The following SUPT16H variants were observed in gnomAD, a reference collection of about 807,000 sequenced individuals.
The protein encoded by SUPT16H is SPT16 homolog, facilitates chromatin remodeling subunit, also known as FACT complex subunit SPT16.
Under a neutral mutation model 136.2 loss-of-function variants are expected in SUPT16H, and 24 were observed. The ratio of observed to expected loss-of-function variants is 0.18; its 90% CI spans 0.13 to 0.25. The LOEUF is 0.25. SUPT16H is among the 10% of genes least tolerant of loss of function. SUPT16H has a pLI of 1.00. For synonymous variants in SUPT16H, 415 were observed against 428.2 expected (o/e 0.97, Z 0.38); for missense variants, 623 against 1,270.2 (o/e 0.49, Z 7.74).
intron 19 of SUPT16H, among the ~76,000 whole-genome samples, 160 bp downstream of exon 19, chr14:21,359,324 A>G (rs1289845062): frequency 6.8e-6 from 1 of 147,824 alleles, no homozygotes; most frequent in Admixed American, 6.8e-5. Context: ...CGAACTCCTG[A>G]CCCTCAGGTG....
intron 10 of SUPT16H, 50 bp from the exon 11 acceptor site, chr14:21,363,553 A>C: frequency 1.2e-5 from 19 of 1,539,250 alleles, no homozygotes; most frequent in Non-Finnish European, 1.7e-5. Flanking sequence ...AGGCAATTTC[A>C]TTTTCTAACC....
At position 21,369,860 on chromosome 14, in the gene SUPT16H, C is replaced by T; in HGVS notation, c.520G>A (p.Val174Ile). 6.2e-7 allele frequency: 1 copy of T among 1,614,180 alleles called. No individual in the cohort carries two copies. The highest frequency in any genetic ancestry group is 8.5e-7 in the Non-Finnish European group (1 of 1,180,018). The change falls in exon 5 of 26, where the codon GTA becomes ATA. Residue 174 changes from valine (V) to isoleucine (I), a missense_variant. Transcript: ENST00000216297. ...AGGTTGAGCTCCCCATCCTCCTTTA[C>T]AGCGATGGTATATGCCACAACTGCA... ...ISAVVAYTIA[V>I]KEDGELNLMK...
intron 3 of SUPT16H, among the ~76,000 whole-genome samples, chr14:21,371,226 G>A (rs1886778568): frequency 6.6e-6 from 1 of 152,068 alleles, no homozygotes; most frequent in Non-Finnish European, 1.5e-5. Context: ...TCAAAAGTGA[G>A]CAAAACATTT....
chr14:21,374,144 T>C (rs890240194), intron 1 of SUPT16H, among the ~76,000 whole-genome samples: 1 of 152,238 alleles, frequency 6.6e-6, no homozygotes, highest in Non-Finnish European at 1.5e-5. Flanking sequence ...CCTTCTTTTT[T>C]GGTTCAGCCA....
At chr14:21,363,536 T>G in intron 10 of SUPT16H, 33 bp from the exon 11 acceptor site, 1 of 1,587,474 alleles carries the variant, frequency 6.3e-7, no homozygotes, top group Non-Finnish European at 8.6e-7. Context: ...GACACATTAT[T>G]TAAAAGAGGC....
chr14:21,362,149 C>A, intron 15 of SUPT16H, 48 bp downstream of exon 15: 52 of 1,572,054 alleles, frequency 3.3e-5, no homozygotes, highest in Non-Finnish European at 4.4e-5. Context: ...TCTGAGAGTA[C>A]CACTCCAGAC....
intron 5 of SUPT16H, 155 bp downstream of exon 5, chr14:21,369,595 T>A: frequency 9.3e-7 from 1 of 1,079,384 alleles, no homozygotes; most frequent in South Asian, 1.6e-5. Context: ...TAACGCAGGC[T>A]TACCATTATT....
At chr14:21,354,350 A>G in intron 23 of SUPT16H, 61 bp downstream of exon 23, 14 of 1,595,214 alleles carry the variant, frequency 8.8e-6, no homozygotes, top group Non-Finnish European at 1.2e-5. Flanking sequence ...ATTCCATTCT[A>G]ACTGACCAAA....
At chr14:21,362,062 G>C in intron 15 of SUPT16H, 135 bp downstream of exon 15, 1 of 1,047,056 alleles carries the variant, frequency 9.6e-7, no homozygotes, top group South Asian at 1.9e-5. Flanking sequence ...TCAAGAAGGC[G>C]ATCCGAAACA....
At chr14:21,371,134 A>C (rs896958344) in intron 3 of SUPT16H, among the ~76,000 whole-genome samples, 3 of 151,672 alleles carry the variant, frequency 2.0e-5, no homozygotes, top group African/African-American at 2.4e-5. Context: ...GGCCTCTCAA[A>C]GTATTGGGAT....
rs772231688 is a variant in SUPT16H, at chr14:21,363,425, A to T, written c.1299+13T>A. 1.4e-5 allele frequency: 22 copies of T among 1,613,280 alleles called. No homozygotes were observed. In the East Asian group the frequency reaches 4.9e-4, roughly 36 times the overall value. ...CCTAAACTTCCTATACTACTTATCT[A>T]TCTTCTTCCTACCTTTAGGAAAATC... On this transcript the variant is annotated intron_variant, in intron 11 of 25. Coordinates refer to ENST00000216297, the MANE Select transcript of SUPT16H (RefSeq NM_007192.4).
intron 1 of SUPT16H, among the ~76,000 whole-genome samples, chr14:21,378,760 AC>A (rs1886958101): frequency 6.6e-6 from 1 of 152,218 alleles, no homozygotes; most frequent in African/African-American, 2.4e-5. Flanking sequence ...TATGAAAGAA[AC>A]AAAAAACTCA....
intron 7 of SUPT16H, among the ~76,000 whole-genome samples, 164 bp from the exon 8 acceptor site, chr14:21,366,693 A>G (rs1295779505): frequency 6.6e-6 from 1 of 151,124 alleles, no homozygotes; most frequent in African/African-American, 2.4e-5. Context: ...TCTGTCACTC[A>G]GGCTGGAGTG....
At chr14:21,366,656 C>CTTTT (rs66530934) in intron 7 of SUPT16H, 127 bp from the exon 8 acceptor site, 346,673 of 602,890 alleles carry the variant, frequency 0.58, 63,524 homozygotes, top group African/African-American at 0.63. Context: ...AGTCCACTCA[C>CTTTT]TTTTTTTTTT....
At chr14:21,358,120 C>G in intron 20 of SUPT16H, 118 bp from the exon 21 acceptor site, 1 of 951,074 alleles carries the variant, frequency 1.1e-6, no homozygotes, top group Middle Eastern at 3.2e-4. Flanking sequence ...ACTGGAGACT[C>G]ATCCAGAGGA....
At chr14:21,381,744 G>A (rs1887029823) in intron 1 of SUPT16H, among the ~76,000 whole-genome samples, 1 of 151,306 alleles carries the variant, frequency 6.6e-6, no homozygotes, top group Non-Finnish European at 1.5e-5. Context: ...CAAGTAGCTA[G>A]GACTATAGGC....
At chr14:21,359,456 T>C (rs372134960) in intron 19 of SUPT16H, 28 bp downstream of exon 19, 2 of 1,608,946 alleles carry the variant, frequency 1.2e-6, no homozygotes, top group African/African-American at 2.7e-5. Flanking sequence ...CTCACTATCC[T>C]GCAAATACAA....
intron 2 of SUPT16H, chr14:21,372,840 C>G (rs981301714): frequency 2.6e-5 from 9 of 340,864 alleles, no homozygotes; most frequent in African/African-American, 1.9e-4. Flanking sequence ...ACTGCTAAAT[C>G]CAATTGAACT....
chr14:21,362,772 C>G lies in SUPT16H; in HGVS notation c.1665+22G>C, dbSNP rs767314323. 19 of 1,582,828 alleles carry G rather than the reference C, an allele frequency of 1.2e-5. No individual in the cohort carries two copies. The South Asian group carries it at 2.1e-4, about 18-fold the overall frequency. ...TTTTAAGCAACAGTTTGGATGAAACCTGATGCACTGAATGTCAGTACCTTG... is the reference window on the plus strand; with the variant it reads ...TTTTAAGCAACAGTTTGGATGAAACGTGATGCACTGAATGTCAGTACCTTG... On this transcript the variant is annotated intron_variant, in intron 14 of 25. Transcript: ENST00000216297.
Sources: allele counts gnomAD v4.1 joint callset (sites outside exome capture counted in the v4.1 genomes callset), GRCh38; gene constraint gnomAD v4.1.1; transcripts MANE v1.5; gene names NCBI Gene and HGNC (gene_info 2026-07-23, HGNC 2026-07-21).